PAK5: variants seen among roughly 807,000 people sequenced by gnomAD.
PAK5 encodes p21 (RAC1) activated kinase 5, also known as serine/threonine-protein kinase PAK 5.
A neutral mutation model predicts 65.9 loss-of-function variants in PAK5; 16 were observed. The observed-to-expected ratio is 0.24, with a 90% CI of 0.16 to 0.37. PAK5 has a LOEUF of 0.37. Among genes scored for constraint, PAK5 ranks in the 10% least tolerant of loss-of-function variants. The probability of loss-of-function intolerance (pLI) is 1.00; values close to 1 mark genes in which losing one functional copy is unlikely to be tolerated. For missense variants in PAK5, 785 were observed against 903.9 expected (o/e 0.87, Z 1.69); for synonymous variants, 371 against 354.9 (o/e 1.05, Z -0.51).
chr20:9,776,496 C>T (rs2048888426), intron 1 of PAK5, among the ~76,000 whole-genome samples: 1 of 152,186 alleles, frequency 6.6e-6, no homozygotes, highest in Admixed American at 6.5e-5. Flanking sequence ...AACTTAATTT[C>T]CCTCCTCCTA....
At chr20:9,699,500 GA>G (rs201997539) in intron 2 of PAK5, among the ~76,000 whole-genome samples, 14 of 142,774 alleles carry the variant, frequency 9.8e-5, no homozygotes, top group African/African-American at 2.6e-4. Context: ...TTTGAAACTT[GA>G]AAAAAAAATA....
chr20:9,693,024 C>A (rs560507572), intron 2 of PAK5, among the ~76,000 whole-genome samples: 1 of 152,244 alleles, frequency 6.6e-6, no homozygotes, highest in African/African-American at 2.4e-5. Context: ...TTCTCCTCTA[C>A]CAGCAAATCA....
chr20:9,719,267 C>A (rs1474930153), intron 1 of PAK5, among the ~76,000 whole-genome samples: 1 of 152,154 alleles, frequency 6.6e-6, no homozygotes, highest in Non-Finnish European at 1.5e-5. Context: ...TGCATTTGTC[C>A]AGTGAAGGAA....
intron 1 of PAK5, among the ~76,000 whole-genome samples, chr20:9,835,820 C>T (rs934940164): frequency 2.0e-4 from 31 of 152,120 alleles, no homozygotes; most frequent in African/African-American, 6.0e-4. Context: ...TAAAGCAACT[C>T]GATGGATAGT....
intron 2 of PAK5, among the ~76,000 whole-genome samples, chr20:9,657,037 T>C (rs542983764): frequency 2.0e-5 from 3 of 152,322 alleles, no homozygotes; most frequent in East Asian, 3.9e-4. Context: ...TATATGTCTA[T>C]GCCATTTTAT....
At chr20:9,696,630 A>G (rs991782454) in intron 2 of PAK5, among the ~76,000 whole-genome samples, 2 of 152,110 alleles carry the variant, frequency 1.3e-5, no homozygotes, top group African/African-American at 2.4e-5. Context: ...TGCCACAGGC[A>G]TCTATTACAT....
At chr20:9,793,057 C>A (rs552566064) in intron 1 of PAK5, among the ~76,000 whole-genome samples, 27 of 152,228 alleles carry the variant, frequency 1.8e-4, no homozygotes, top group African/African-American at 6.5e-4. Context: ...AATTGCACAG[C>A]CTAACCAGGA....
At chr20:9,816,009 G>A (rs1297509770) in intron 1 of PAK5, among the ~76,000 whole-genome samples, 2 of 152,110 alleles carry the variant, frequency 1.3e-5, no homozygotes, top group Non-Finnish European at 2.9e-5. Flanking sequence ...TGAGTCATTG[G>A]TGTCTAAAGT....
chr20:9,681,831 C>T (rs1192643043), intron 2 of PAK5, among the ~76,000 whole-genome samples: 3 of 152,112 alleles, frequency 2.0e-5, no homozygotes, highest in Non-Finnish European at 4.4e-5. Flanking sequence ...GCTTAAATTT[C>T]TCCTTTTACT....
At chr20:9,769,702 G>A (rs1434800386) in intron 1 of PAK5, among the ~76,000 whole-genome samples, 2 of 152,206 alleles carry the variant, frequency 1.3e-5, no homozygotes, top group South Asian at 2.1e-4. Flanking sequence ...ATCTAAGGTA[G>A]AGAGCAAATT....
At chr20:9,559,559 C>T (rs191736484) in intron 6 of PAK5, among the ~76,000 whole-genome samples, 26 of 152,158 alleles carry the variant, frequency 1.7e-4, no homozygotes, top group Admixed American at 1.6e-3. Flanking sequence ...GTCAGGAGTT[C>T]GAGACCAGCC....
intron 1 of PAK5, among the ~76,000 whole-genome samples, chr20:9,812,255 A>C (rs1421157122): frequency 6.6e-6 from 1 of 152,136 alleles, no homozygotes; most frequent in Non-Finnish European, 1.5e-5. Context: ...TTATATCTAG[A>C]ATATTTATTT....
intron 1 of PAK5, among the ~76,000 whole-genome samples, chr20:9,730,042 A>G (rs199948292): frequency 6.1e-5 from 1 of 16,498 alleles, no homozygotes; most frequent in Non-Finnish European, 1.4e-4. Flanking sequence ...AATTGTCTCG[A>G]AAAAAAAAAA....
At chr20:9,665,798 A>G (rs949955513) in intron 2 of PAK5, among the ~76,000 whole-genome samples, 4 of 151,748 alleles carry the variant, frequency 2.6e-5, no homozygotes, top group African/African-American at 7.2e-5. Context: ...ATGGCTGGTC[A>G]TTTTTCTAAA....
chr20:9,810,848 C>T (rs945296344), intron 1 of PAK5, among the ~76,000 whole-genome samples: 2 of 152,132 alleles, frequency 1.3e-5, no homozygotes, highest in Non-Finnish European at 2.9e-5. Context: ...TACACACATA[C>T]ACATAGACAC....
At chr20:9,618,532 G>A (rs895605406) in intron 3 of PAK5, among the ~76,000 whole-genome samples, 2 of 150,428 alleles carry the variant, frequency 1.3e-5, no homozygotes, top group East Asian at 2.0e-4. Flanking sequence ...ACAGCCTCCC[G>A]AGTAGCTGAG....
intron 2 of PAK5, among the ~76,000 whole-genome samples, chr20:9,700,724 A>C (rs2047928750): frequency 6.6e-6 from 1 of 152,178 alleles, no homozygotes. Flanking sequence ...TCCTTGACAC[A>C]AAATAATCCA....
intron 9 of PAK5, among the ~76,000 whole-genome samples, 182 bp from the exon 10 acceptor site, chr20:9,539,799 T>C (rs1007446214): frequency 2.0e-5 from 3 of 152,212 alleles, no homozygotes; most frequent in Non-Finnish European, 4.4e-5. Flanking sequence ...TTCCTTACCT[T>C]TTTCAAGTGT....
chr20:9,734,552 G>GCACACACACA (rs56706449), intron 1 of PAK5, among the ~76,000 whole-genome samples: 33,382 of 149,170 alleles, frequency 0.22, 3,698 homozygotes, highest in Middle Eastern at 0.34. Flanking sequence ...ACGCGCACAT[G>GCACACACACA]CACACACACA....
Sources: allele counts gnomAD v4.1 joint callset (sites outside exome capture counted in the v4.1 genomes callset), GRCh38; gene constraint gnomAD v4.1.1; transcripts MANE v1.5; gene names NCBI Gene and HGNC (gene_info 2026-07-23, HGNC 2026-07-21).